DHX38: variants seen among roughly 807,000 people sequenced by gnomAD.
The protein encoded by DHX38 is pre-mRNA-splicing factor ATP-dependent RNA helicase PRP16.
A neutral mutation model predicts 153.1 loss-of-function variants in DHX38; 100 were observed. That is an observed-to-expected ratio of 0.65 (90% CI 0.56 to 0.77). DHX38 has a LOEUF of 0.77. Ranked by LOEUF, DHX38 falls within the 30% of genes least tolerant of loss-of-function variation. DHX38 has a pLI of 0.00. For missense variants in DHX38, 1,440 were observed against 1,654.0 expected, an observed-to-expected ratio of 0.87 and a Z score of 2.24; for synonymous variants, 650 against 631.7, an observed-to-expected ratio of 1.03 and a Z score of -0.43.
rs138115620 is a variant in DHX38 at position 72,099,856 on chromosome 16, G to T, written c.1085G>T (p.Arg362Leu). ...CACCTGCATAAACAGAAGCAGAAGC[G>T]CATTTCAGCTCAGCGGAGACAGATC... is the stretch of plus-strand genomic sequence containing the variant. The part of the protein sequence containing the change: ...EQHLHKQKQK[R>L]ISAQRRQINE... The change falls in exon 8 of 27, where the codon CGC (arginine) becomes CTC (leucine). Residue 362 changes from arginine (R) to leucine (L), a missense_variant. Transcript: ENST00000268482. 6.2e-7 allele frequency: 1 copy of T among 1,611,536 alleles called. No homozygotes were observed. Among genetic ancestry groups the T allele is most frequent in the Non-Finnish European group, 8.5e-7 (1 of 1,178,754 alleles).
At chr16:72,109,120 T>C (rs926030901) in intron 24 of DHX38, among the ~76,000 whole-genome samples, 195 bp downstream of exon 24, 3 of 152,216 alleles carry the variant, frequency 2.0e-5, no homozygotes, top group Non-Finnish European at 4.4e-5. Context: ...CTAGACTGCA[T>C]TGACCTCAGC....
chr16:72,105,869 T>C, intron 18 of DHX38, 136 bp from the exon 19 acceptor site: 1 of 777,222 alleles, frequency 1.3e-6, no homozygotes, highest in Admixed American at 2.4e-5. Flanking sequence ...CTTCTTCAGG[T>C]GTTCATGAGA....
chr16:72,097,122 A>G, intron 3 of DHX38, 113 bp downstream of exon 3: 1 of 1,222,086 alleles, frequency 8.2e-7, no homozygotes. Flanking sequence ...TCCTATTTGC[A>G]TGATGTCCGC....
intron 25 of DHX38, 103 bp downstream of exon 25, chr16:72,109,613 C>T (rs2042232121): frequency 1.9e-6 from 2 of 1,071,738 alleles, no homozygotes; most frequent in African/African-American, 1.6e-5. Context: ...ACTTACTTCT[C>T]TCTGCAAACA....
intron 16 of DHX38, 31 bp downstream of exon 16, chr16:72,105,168 G>A (rs745667422): frequency 1.1e-5 from 17 of 1,613,682 alleles, no homozygotes; most frequent in South Asian, 4.4e-5. Flanking sequence ...TGTGATGAGC[G>A]GGTGTGTCTT....
rs771414771 is a variant in DHX38, at chr16:72,103,226, G to A, written c.1637+15G>A. 11 of 1,610,922 alleles carry A rather than the reference G, an allele frequency of 6.8e-6. No homozygotes were observed. Among genetic ancestry groups the A allele is most frequent in the Non-Finnish European group, 9.3e-6 (11 of 1,178,156 alleles). ...ACTATTATCAGGTAACTTCACCCGG[G>A]GCCCAGGAATCTAGTGTCAAGTCAG... On this transcript the variant is annotated intron_variant, in intron 12 of 26. Coordinates refer to ENST00000268482, the MANE Select transcript of DHX38 (RefSeq NM_014003.4).
At chr16:72,110,748 G>T (rs1165998084) in intron 25 of DHX38, among the ~76,000 whole-genome samples, 1 of 152,224 alleles carries the variant, frequency 6.6e-6, no homozygotes, top group South Asian at 2.1e-4. Context: ...GACTGAGTTA[G>T]GACTGATTGT....
chr16:72,096,039 G>T, intron 1 of DHX38, 100 bp from the exon 2 acceptor site: 1 of 1,238,082 alleles, frequency 8.1e-7, no homozygotes, highest in East Asian at 2.5e-5. Context: ...AAGGGGAGAT[G>T]GGGAAGGTTA....
Position 72,108,625 on chromosome 16 carries a change from G to T in DHX38, c.3255+18G>T. 6.2e-7 allele frequency: 1 copy of T among 1,611,628 alleles called. No individual in the cohort carries two copies. The highest frequency in any genetic ancestry group is 8.5e-7 in the Non-Finnish European group (1 of 1,178,470). On this transcript the variant is annotated intron_variant, in intron 23 of 26. Coordinates refer to ENST00000268482, the MANE Select transcript of DHX38 (RefSeq NM_014003.4). The stretch of plus-strand genomic sequence containing the variant: ...AGCTCAAGGTGAACCCAGGAGCCCA[G>T]TGAGCCCCTCCCAGCCTGATACCTG...
At chr16:72,106,149 G>T in intron 19 of DHX38, 32 bp downstream of exon 19, 1 of 1,605,920 alleles carries the variant, frequency 6.2e-7, no homozygotes, top group Non-Finnish European at 8.5e-7. Flanking sequence ...GCTTTCTGGG[G>T]CAGCGCTGGG....
In DHX38 at chr16:72,112,410, C is replaced by A. The variant is rs1318617864; in HGVS notation, c.3600-3C>A. The A allele has an allele frequency of 1.9e-6, 3 of 1,571,272 alleles. No individual in the cohort carries two copies. Among genetic ancestry groups the A allele is most frequent in the Non-Finnish European group, 2.6e-6 (3 of 1,163,920 alleles). On this transcript the variant is annotated splice_polypyrimidine_tract_variant and splice_region_variant and intron_variant, in intron 26 of 26. Transcript: ENST00000268482. Reference sequence around the variant, plus strand: ...TTCCTGATCTCTCCTGCTGTGTCTCCAGGTCTACGAAGATCTACACTCCAG... The same window carrying A: ...TTCCTGATCTCTCCTGCTGTGTCTCAAGGTCTACGAAGATCTACACTCCAG...
chr16:72,106,331 C>T (rs1341067417), intron 19 of DHX38, among the ~76,000 whole-genome samples: 2 of 152,254 alleles, frequency 1.3e-5, no homozygotes, highest in South Asian at 2.1e-4. Context: ...GGCCAACCTA[C>T]GTGGATGTAG....
intron 1 of DHX38, among the ~76,000 whole-genome samples, 158 bp from the exon 2 acceptor site, chr16:72,095,981 C>T (rs375832396): frequency 7.2e-5 from 11 of 151,730 alleles, no homozygotes; most frequent in African/African-American, 2.7e-4. Context: ...TAGGCAGTGA[C>T]TTGATGGAAA....
At chr16:72,112,079 C>T in intron 26 of DHX38, 1 of 344,666 alleles carries the variant, frequency 2.9e-6, no homozygotes, top group Non-Finnish European at 5.4e-6. Flanking sequence ...TTAGAGTTGG[C>T]TCCTAGGCAC....
rs145450094 is a variant in DHX38, at chr16:72,108,349, C to T, written c.3087C>T (p.Asn1029=). 3.8e-3 allele frequency: 6,078 copies of T among 1,614,140 alleles called. 201 individuals carry two copies. In the South Asian group the frequency reaches 0.057, roughly 15 times the overall value. The change falls in exon 22 of 27, where the codon AAC becomes AAT. Residue 1029 remains asparagine, a synonymous_variant. Coordinates refer to ENST00000268482, the MANE Select transcript of DHX38 (RefSeq NM_014003.4). Reference sequence around the variant, plus strand: ...ATAATTACTCCACCATCTGGTGTAACGATCATTTCATCCATGCTAAGGCCA... The same window carrying T: ...ATAATTACTCCACCATCTGGTGTAATGATCATTTCATCCATGCTAAGGCCA... ...KNNNYSTIWC[N]DHFIHAKAMR...
chr16:72,108,775 G>T (rs2042218510), intron 23 of DHX38, 25 bp from the exon 24 acceptor site: 2 of 1,607,552 alleles, frequency 1.2e-6, no homozygotes. Flanking sequence ...TCCTGATGTG[G>T]CTGCCTGTTG....
At chr16:72,099,442 GTCAC>G (rs897829290) in intron 7 of DHX38, among the ~76,000 whole-genome samples, 162 bp downstream of exon 7, 8 of 152,188 alleles carry the variant, frequency 5.3e-5, no homozygotes, top group African/African-American at 1.4e-4. Context: ...GGTGAACCCT[GTCAC>G]TCACTGCAGT....
rs267604626 is a variant in DHX38, at chr16:72,098,785, C to A, written c.757C>A (p.Arg253=). ...ERSHRLSTRD[R]DRSVRGKYSD... Reference sequence around the variant, plus strand: ...GAGCCATCGGCTGTCCACTCGAGATCGAGACAGGTGATGTTCTGGGCAGAG... The same window carrying A: ...GAGCCATCGGCTGTCCACTCGAGATAGAGACAGGTGATGTTCTGGGCAGAG... Residue 253 remains arginine (R), a synonymous_variant, in exon 5 of 27, where the codon CGA becomes AGA. Coordinates refer to ENST00000268482, the MANE Select transcript of DHX38 (RefSeq NM_014003.4). 11 of 1,613,962 alleles carry A rather than the reference C, an allele frequency of 6.8e-6. No individual in the cohort carries two copies. Among genetic ancestry groups the A allele is most frequent in the Non-Finnish European group, 4.2e-6 (5 of 1,179,998 alleles).
rs1426205084 is a variant in DHX38, at chr16:72,097,724, G to C, written c.559G>C (p.Gly187Arg). ...CAGCAGCAGATCAGAGCGAGATGGA[G>C]GGTCAGAGCGTAGCAGCAGAAGAAA... is the stretch of plus-strand genomic sequence containing the variant. ...RHSSRSERDG[G>R]SERSSRRNEP... The change falls in exon 4 of 27, where the codon GGG (glycine) becomes CGG (arginine). Residue 187 changes from glycine (G) to arginine (R), a missense_variant. This residue lies in a region of DHX38 where 483 missense variants were observed against 465.1 expected (regional missense o/e 1.04). Coordinates refer to ENST00000268482, the MANE Select transcript of DHX38 (RefSeq NM_014003.4). 11 of 1,614,170 alleles carry C rather than the reference G, an allele frequency of 6.8e-6. No individual in the cohort carries two copies. The highest frequency in any genetic ancestry group is 9.3e-6 in the Non-Finnish European group (11 of 1,180,010).
Sources: gnomAD v4.1 joint callset for allele counts (sites outside exome capture counted in the v4.1 genomes callset) on GRCh38, gnomAD v4.1.1 for gene constraint, gnomAD v4.1.1 regional missense constraint, MANE v1.5 for transcripts, NCBI Gene and HGNC (gene_info 2026-07-23, HGNC 2026-07-21) for gene names.